The following FAM135B variants were observed in gnomAD, a reference collection of about 807,000 sequenced individuals.
FAM135B encodes the protein protein FAM135B.
In FAM135B, 43 loss-of-function variants were observed where a neutral mutation model predicts 127.7. That is an observed-to-expected ratio of 0.34 (90% CI 0.26 to 0.43). FAM135B has a LOEUF of 0.43. FAM135B is among the 20% of genes least tolerant of loss of function. The pLI, the probability that FAM135B is intolerant of heterozygous loss-of-function variation, is 1.00. For synonymous variants in FAM135B, 670 were observed against 665.1 expected (o/e 1.01, Z -0.11); for missense variants, 1,558 against 1,725.6 (o/e 0.90, Z 1.72).
Position 138,236,000 on chromosome 8 carries a change from C to T in FAM135B, c.669+6942G>A, listed in dbSNP as rs571863128. Among the ~76,000 whole-genome samples, 12 of 152,156 alleles carry T rather than the reference C, an allele frequency of 7.9e-5. No homozygotes were observed. In the South Asian group the frequency reaches 1.7e-3, roughly 21 times the overall value. On this transcript the variant is annotated intron_variant, in intron 7 of 19. Transcript: ENST00000395297. Reference sequence around the variant, plus strand: ...TGCAAGGCCAAACCTATGATCTCCACGGGTGAGCCAAGGAACTGGGAGGCT... The same window carrying T: ...TGCAAGGCCAAACCTATGATCTCCATGGGTGAGCCAAGGAACTGGGAGGCT...
At chr8:138,163,589 C>T (rs1819617276) in intron 12 of FAM135B, among the ~76,000 whole-genome samples, 1 of 152,122 alleles carries the variant, frequency 6.6e-6, no homozygotes, top group Non-Finnish European at 1.5e-5. Context: ...AGGGAAAACC[C>T]TTTCACTTGG....
At chr8:138,471,333 T>C (rs745384650) in intron 1 of FAM135B, among the ~76,000 whole-genome samples, 14 of 152,106 alleles carry the variant, frequency 9.2e-5, no homozygotes, top group Non-Finnish European at 1.3e-4. Context: ...ACCACAGATT[T>C]GGGGCAGAGT....
At chr8:138,289,461 G>C (rs1824938173) in intron 3 of FAM135B, among the ~76,000 whole-genome samples, 1 of 152,190 alleles carries the variant, frequency 6.6e-6, no homozygotes, top group Non-Finnish European at 1.5e-5. Flanking sequence ...ACTTCTGTCT[G>C]CTTTAGCCCC....
chr8:138,348,127 CTTTTTTTTTTTT>C (rs58289442), intron 2 of FAM135B, among the ~76,000 whole-genome samples: 8 of 52,840 alleles, frequency 1.5e-4, no homozygotes, highest in Non-Finnish European at 2.2e-4. Flanking sequence ...TTTTCCTCCT[CTTTTTTTTTTTT>C]TTTTTTTTTT....
intron 1 of FAM135B, chr8:138,477,225 C>G (rs1379043147): frequency 6.6e-6 from 1 of 152,206 alleles, no homozygotes; most frequent in Non-Finnish European, 1.5e-5. Flanking sequence ...AACCCACTCC[C>G]CTTTTACCCT....
chr8:138,291,259 T>C (rs897773013), intron 3 of FAM135B, among the ~76,000 whole-genome samples: 4 of 152,180 alleles, frequency 2.6e-5, no homozygotes, highest in Non-Finnish European at 5.9e-5. Context: ...AAGTCACCTA[T>C]AAGCATATTT....
chr8:138,161,818 CCTT>C, intron 12 of FAM135B, among the ~76,000 whole-genome samples: 1 of 152,302 alleles, frequency 6.6e-6, no homozygotes, highest in African/African-American at 2.4e-5. Context: ...TCCGAGCCTC[CCTT>C]CTACTTACAT....
At chr8:138,403,975 C>A (rs1489585160) in intron 1 of FAM135B, among the ~76,000 whole-genome samples, 3 of 152,044 alleles carry the variant, frequency 2.0e-5, no homozygotes, top group Admixed American at 2.0e-4. Flanking sequence ...AGTACTTGCA[C>A]AACAATAGTA....
At chr8:138,135,362 G>C (rs908352718) in intron 19 of FAM135B, among the ~76,000 whole-genome samples, 3 of 152,122 alleles carry the variant, frequency 2.0e-5, no homozygotes, top group African/African-American at 7.2e-5. Context: ...CTGAAAACCA[G>C]ATCATTGACT....
chr8:138,486,559 A>C (rs1173055870), intron 1 of FAM135B, among the ~76,000 whole-genome samples: 1 of 152,084 alleles, frequency 6.6e-6, no homozygotes. Context: ...TCCCAGAAAT[A>C]CTTGGGAGGA....
At chr8:138,357,458 A>G (rs1177321545) in intron 2 of FAM135B, among the ~76,000 whole-genome samples, 2 of 152,156 alleles carry the variant, frequency 1.3e-5, no homozygotes, top group African/African-American at 4.8e-5. Flanking sequence ...GAAGGAAAAT[A>G]CATGTGAATA....
At position 138,165,002 on chromosome 8, in the gene FAM135B, G is replaced by A. The variant is rs559421128; in HGVS notation, c.1258+2893C>T. Among the ~76,000 whole-genome samples the A allele has an allele frequency of 1.1e-4, 17 of 152,328 alleles. No individual in the cohort carries two copies. The South Asian group carries it at 1.9e-3, about 17-fold the overall frequency. Reference sequence around the variant, plus strand: ...TGCTGTTTGACTCCAGGGCACTGACGTGAGAGGTGGTGAGAAAGGAGTGAG... The same window carrying A: ...TGCTGTTTGACTCCAGGGCACTGACATGAGAGGTGGTGAGAAAGGAGTGAG... On this transcript the variant is annotated intron_variant, in intron 12 of 19. Transcript: ENST00000395297.
intron 7 of FAM135B, among the ~76,000 whole-genome samples, chr8:138,203,070 A>G (rs1204140366): frequency 6.6e-6 from 1 of 152,214 alleles, no homozygotes; most frequent in Non-Finnish European, 1.5e-5. Flanking sequence ...TTAGTACTTG[A>G]TAACTGTTAG....
chr8:138,169,041 C>T (rs960697679), intron 11 of FAM135B, among the ~76,000 whole-genome samples: 13 of 152,002 alleles, frequency 8.6e-5, no homozygotes, highest in African/African-American at 3.1e-4. Context: ...TTCTCAAACT[C>T]AGCATTCTCA....
intron 12 of FAM135B, among the ~76,000 whole-genome samples, chr8:138,157,277 G>A (rs966137258): frequency 1.3e-5 from 2 of 152,120 alleles, no homozygotes; most frequent in African/African-American, 4.8e-5. Context: ...CAATAAACTA[G>A]GTATTGATGG....
intron 1 of FAM135B, among the ~76,000 whole-genome samples, chr8:138,405,390 A>G (rs141295394): frequency 0.12 from 14,803 of 122,084 alleles, 1,257 homozygotes; most frequent in African/African-American, 0.26. Context: ...CAGTCCCCAG[A>G]GTGTGATGTT....
chr8:138,403,819 G>C (rs916601017), intron 1 of FAM135B, among the ~76,000 whole-genome samples: 1 of 152,180 alleles, frequency 6.6e-6, no homozygotes, highest in African/African-American at 2.4e-5. Flanking sequence ...TCATTGGTAT[G>C]AGGCAGAGGT....
intron 3 of FAM135B, among the ~76,000 whole-genome samples, chr8:138,281,478 A>T (rs533125524): frequency 0.1 from 15,575 of 150,648 alleles, 845 homozygotes; most frequent in Non-Finnish European, 0.13. Flanking sequence ...AAAAAAAAAA[A>T]TCCTATTGAG....
chr8:138,250,423 G>C (rs1821610881), intron 6 of FAM135B, among the ~76,000 whole-genome samples: 1 of 152,118 alleles, frequency 6.6e-6, no homozygotes, highest in Non-Finnish European at 1.5e-5. Context: ...ACTTGGGGAA[G>C]AAAAAGAAAA....
Sources: allele counts gnomAD v4.1 joint callset (sites outside exome capture counted in the v4.1 genomes callset), GRCh38; gene constraint gnomAD v4.1.1; transcripts MANE v1.5; gene names NCBI Gene and HGNC (gene_info 2026-07-23, HGNC 2026-07-21).